MAGI2: variants seen among roughly 807,000 people sequenced by gnomAD.
MAGI2 encodes the protein membrane associated guanylate kinase, WW and PDZ domain containing 2.
A neutral mutation model predicts 133.3 loss-of-function variants in MAGI2; 35 were observed. The observed-to-expected ratio is 0.26, with a 90% confidence interval of 0.20 to 0.35. MAGI2 has a LOEUF of 0.35. Among genes scored for constraint, MAGI2 ranks in the 10% least tolerant of loss-of-function variants. MAGI2 has a pLI of 1.00. For synonymous variants in MAGI2, 729 were observed against 710.6 expected (o/e 1.03, Z -0.41); for missense variants, 1,636 against 1,863.4 (o/e 0.88, Z 2.25).
chr7:78,301,294 T>G (rs550988350), intron 9 of MAGI2, among the ~76,000 whole-genome samples: 69 of 152,248 alleles, frequency 4.5e-4, no homozygotes, highest in Non-Finnish European at 7.4e-4. Flanking sequence ...AATATAAAAC[T>G]TTCAAGAAAG....
At chr7:78,484,951 C>A (rs1563068540) in intron 6 of MAGI2, 2 of 151,524 alleles carry the variant, frequency 1.3e-5, no homozygotes, top group Non-Finnish European at 2.9e-5. Context: ...TCTATTTCTT[C>A]TCCTGTACAT....
intron 3 of MAGI2, among the ~76,000 whole-genome samples, chr7:78,573,235 T>A (rs1269995974): frequency 6.9e-4 from 35 of 51,016 alleles, no homozygotes; most frequent in Admixed American, 3.0e-4. Context: ...TAAATATAAA[T>A]ATATATATAT....
intron 1 of MAGI2, among the ~76,000 whole-genome samples, chr7:79,057,324 C>T (rs1038291617): frequency 6.6e-6 from 1 of 152,054 alleles, no homozygotes; most frequent in African/African-American, 2.4e-5. Context: ...AAAACACTGA[C>T]CAAGGTCTCC....
chr7:78,933,889 A>G (rs1461657926), intron 2 of MAGI2, among the ~76,000 whole-genome samples: 2 of 152,106 alleles, frequency 1.3e-5, no homozygotes, highest in South Asian at 2.1e-4. Context: ...TTCCCTCCGC[A>G]TCCCTAGAGG....
intron 1 of MAGI2, among the ~76,000 whole-genome samples, chr7:79,368,847 C>CAAAAAAAA (rs71095400): frequency 8.0e-5 from 6 of 75,350 alleles, no homozygotes; most frequent in Admixed American, 1.5e-4. Flanking sequence ...GACTCCGTCT[C>CAAAAAAAA]AAAAAAAAAA....
chr7:78,048,396 C>T (rs1811650746), intron 21 of MAGI2, among the ~76,000 whole-genome samples: 1 of 152,158 alleles, frequency 6.6e-6, no homozygotes, highest in South Asian at 2.1e-4. Flanking sequence ...ATATGACTGT[C>T]ACAATGGATG....
At chr7:79,214,734 AATATAAAT>A (rs1317119769) in intron 1 of MAGI2, among the ~76,000 whole-genome samples, 11 of 138,456 alleles carry the variant, frequency 7.9e-5, no homozygotes, top group Non-Finnish European at 1.2e-4. Context: ...TAAATATATA[AATATAAAT>A]ATATAAATAC....
intron 1 of MAGI2, among the ~76,000 whole-genome samples, chr7:79,240,235 G>A (rs1832280030): frequency 6.6e-6 from 1 of 151,896 alleles, no homozygotes. Context: ...AGGGTGGGTG[G>A]AACAAAGGAC....
At chr7:78,644,453 AATG>A (rs1369928000) in intron 2 of MAGI2, among the ~76,000 whole-genome samples, 9 of 152,312 alleles carry the variant, frequency 5.9e-5, no homozygotes, top group African/African-American at 1.9e-4. Flanking sequence ...ACATCATAAA[AATG>A]ATGTTTTCTG....
At chr7:78,650,001 TTG>T (rs1356493858) in intron 2 of MAGI2, among the ~76,000 whole-genome samples, 1 of 152,208 alleles carries the variant, frequency 6.6e-6, no homozygotes. Context: ...TGGCCTGAGA[TTG>T]TGAGTGTCTA....
rs758146547 is a variant in MAGI2, at chr7:79,047,033, AT to A, written c.302-39828del. On this transcript the variant is annotated intron_variant, in intron 1 of 21. Transcript: ENST00000354212. Reference sequence around the variant, plus strand: ...TCAAGTGTTCATTTTGAATGAATATATTTTTTTAAAAAGCAGACAAAAATTA... The same window carrying A: ...TCAAGTGTTCATTTTGAATGAATATATTTTTTAAAAAGCAGACAAAAATTA... Among the ~76,000 whole-genome samples the A allele has an allele frequency of 2.6e-5, 4 of 152,256 alleles. 1 individual carries two copies. The highest frequency in any genetic ancestry group is 2.6e-4 in the Admixed American group (4 of 15,294).
intron 1 of MAGI2, among the ~76,000 whole-genome samples, chr7:79,241,690 C>T (rs113593848): frequency 0.027 from 4,176 of 152,152 alleles, 73 homozygotes; most frequent in Non-Finnish European, 0.039. Flanking sequence ...CCTTTCATAG[C>T]ATGCCTTTCT....
chr7:78,877,540 A>C (rs1246451355), intron 2 of MAGI2, among the ~76,000 whole-genome samples: 1 of 152,172 alleles, frequency 6.6e-6, no homozygotes, highest in Non-Finnish European at 1.5e-5. Context: ...AGAAAAATCT[A>C]ATAGCACTTG....
chr7:78,215,672 A>G (rs1788201079), intron 10 of MAGI2, among the ~76,000 whole-genome samples: 1 of 152,204 alleles, frequency 6.6e-6, no homozygotes, highest in South Asian at 2.1e-4. Context: ...CGGCCTCAGC[A>G]GGAAATCATC....
chr7:79,400,398 CAA>C (rs1845385917), intron 1 of MAGI2, among the ~76,000 whole-genome samples: 1 of 152,022 alleles, frequency 6.6e-6, no homozygotes. Context: ...TCCAAAAAAA[CAA>C]AGTCATAGTG....
intron 20 of MAGI2, among the ~76,000 whole-genome samples, chr7:78,092,417 G>C (rs1817296557): frequency 6.6e-6 from 1 of 152,168 alleles, no homozygotes; most frequent in African/African-American, 2.4e-5. Flanking sequence ...ACTATTTAAA[G>C]TCACATATTA....
chr7:78,953,959 T>A (rs888626304), intron 2 of MAGI2, among the ~76,000 whole-genome samples: 15 of 152,298 alleles, frequency 9.8e-5, no homozygotes, highest in African/African-American at 3.6e-4. Flanking sequence ...GGGGCTATGC[T>A]AGATCTAAAA....
chr7:79,232,611 T>A (rs1385788805), intron 1 of MAGI2, among the ~76,000 whole-genome samples: 1 of 78,814 alleles, frequency 1.3e-5, no homozygotes, highest in Non-Finnish European at 2.4e-5. Flanking sequence ...CTGATGGTAG[T>A]TTGTATTTCT....
chr7:79,177,056 T>C (rs1399504639), intron 1 of MAGI2: 1 of 151,992 alleles, frequency 6.6e-6, no homozygotes, highest in Non-Finnish European at 1.5e-5. Context: ...ACTGAAGCTC[T>C]TTGCTGCCCT....
Sources: allele counts gnomAD v4.1 joint callset (sites outside exome capture counted in the v4.1 genomes callset), GRCh38; gene constraint gnomAD v4.1.1; transcripts MANE v1.5; gene names NCBI Gene and HGNC (gene_info 2026-07-23, HGNC 2026-07-21).